The following KCNN2 variants were observed in gnomAD, a reference collection of about 807,000 sequenced individuals.
KCNN2 encodes the protein small conductance calcium-activated potassium channel protein 2.
KCNN2 carries 24 observed loss-of-function variants against 55.5 expected under a neutral mutation model. That is an observed-to-expected ratio of 0.43 (90% CI 0.31 to 0.61). KCNN2 has a LOEUF of 0.61. KCNN2 is among the 20% of genes least tolerant of loss of function. KCNN2 has a pLI of 0.08. For synonymous variants in KCNN2, 431 were observed against 336.1 expected, an observed-to-expected ratio of 1.28 and a Z score of -3.09; for missense variants, 754 against 853.6, an observed-to-expected ratio of 0.88 and a Z score of 1.45.
At chr5:114,366,212 G>A (rs1757595492) in intron 2 of KCNN2, among the ~76,000 whole-genome samples, 1 of 152,144 alleles carries the variant, frequency 6.6e-6, no homozygotes, top group Non-Finnish European at 1.5e-5. Flanking sequence ...GGTATGTATT[G>A]CATGGGTGAG....
chr5:114,303,042 GA>G (rs1243377005), intron 2 of KCNN2, among the ~76,000 whole-genome samples: 16 of 152,212 alleles, frequency 1.1e-4, no homozygotes, highest in African/African-American at 3.6e-4. Context: ...TCGATGTACT[GA>G]AAACATTTTG....
At chr5:114,464,748 G>T (rs1446836560) in intron 4 of KCNN2, among the ~76,000 whole-genome samples, 1 of 151,700 alleles carries the variant, frequency 6.6e-6, no homozygotes, top group African/African-American at 2.4e-5. Flanking sequence ...ATAGTTTGGG[G>T]GCATAATTTA....
intron 2 of KCNN2, among the ~76,000 whole-genome samples, chr5:114,246,795 TAA>T (rs918512920): frequency 2.0e-5 from 3 of 152,136 alleles, no homozygotes; most frequent in Admixed American, 1.3e-4. Context: ...GAATATTAGT[TAA>T]TATATATTAG....
chr5:114,251,880 CT>C (rs200692821), intron 2 of KCNN2, among the ~76,000 whole-genome samples: 1,755 of 133,230 alleles, frequency 0.013, 31 homozygotes, highest in East Asian at 0.12. Flanking sequence ...TTTTCTTTTT[CT>C]TTTTTTTTTT....
intron 3 of KCNN2, among the ~76,000 whole-genome samples, chr5:114,437,198 A>G (rs1445202946): frequency 6.6e-6 from 1 of 152,196 alleles, no homozygotes; most frequent in Non-Finnish European, 1.5e-5. Context: ...AATCTGTCCA[A>G]GAAATCATTT....
At chr5:114,341,925 G>A (rs1325620139) in intron 2 of KCNN2, among the ~76,000 whole-genome samples, 18 of 146,750 alleles carry the variant, frequency 1.2e-4, no homozygotes, top group Admixed American at 8.2e-4. Flanking sequence ...TTTTTGAGAC[G>A]GAATCTCGCT....
intron 2 of KCNN2, among the ~76,000 whole-genome samples, chr5:114,292,217 T>C (rs937903626): frequency 6.6e-5 from 10 of 152,276 alleles, no homozygotes; most frequent in African/African-American, 2.2e-4. Flanking sequence ...TTGTCAATTT[T>C]GGCTTTCGTT....
intron 3 of KCNN2, among the ~76,000 whole-genome samples, chr5:114,442,516 A>G (rs1760255518): frequency 6.6e-6 from 1 of 152,116 alleles, no homozygotes; most frequent in South Asian, 2.1e-4. Flanking sequence ...TTCCTCAGTG[A>G]TATGACAAGC....
intron 2 of KCNN2, among the ~76,000 whole-genome samples, chr5:114,254,239 C>T (rs1366244700): frequency 6.6e-6 from 1 of 152,066 alleles, no homozygotes; most frequent in East Asian, 1.9e-4. Context: ...TAAAAATACA[C>T]TCAGCATTTC....
chr5:114,472,139 C>T (rs537573944), intron 4 of KCNN2, among the ~76,000 whole-genome samples: 1 of 152,292 alleles, frequency 6.6e-6, no homozygotes, highest in African/African-American at 2.4e-5. Flanking sequence ...ATGCCCCCTT[C>T]CCTGCTGGGA....
At chr5:114,067,486 A>C (rs1750476308) in intron 1 of KCNN2, among the ~76,000 whole-genome samples, 3 of 152,342 alleles carry the variant, frequency 2.0e-5, no homozygotes. Flanking sequence ...ATGGGATATA[A>C]GTGATTCAAT....
intron 2 of KCNN2, among the ~76,000 whole-genome samples, chr5:114,259,727 C>T (rs1755063978): frequency 6.6e-6 from 1 of 152,114 alleles, no homozygotes; most frequent in South Asian, 2.1e-4. Context: ...GAAACACTCC[C>T]ACTCACCCTT....
intron 4 of KCNN2, among the ~76,000 whole-genome samples, chr5:114,468,888 T>C (rs1761574633): frequency 6.6e-6 from 1 of 152,184 alleles, no homozygotes; most frequent in African/African-American, 2.4e-5. Flanking sequence ...TGGAAGTATT[T>C]GCAGGATCAG....
At chr5:114,218,099 G>T (rs1048694691) in intron 1 of KCNN2, among the ~76,000 whole-genome samples, 28 of 152,184 alleles carry the variant, frequency 1.8e-4, no homozygotes, top group Admixed American at 1.6e-3. Flanking sequence ...AATACCAAAT[G>T]CTGACAAGGA....
chr5:114,362,621 A>C lies in KCNN2; in HGVS notation c.482A>C (p.His161Pro). 2 of 1,054,594 alleles carry C rather than the reference A, an allele frequency of 1.9e-6. No homozygotes were observed. Among genetic ancestry groups the C allele is most frequent in the Non-Finnish European group, 2.6e-6 (2 of 758,532 alleles). The allele number at this position is 1,054,594 out of a possible 1,614,324, so 65.3% of individuals were successfully genotyped here. The change falls in exon 1 of 8, where the codon CAC becomes CCC. Residue 161 changes from histidine to proline, a missense_variant. By Grantham distance (77) the His-to-Pro change is moderately conservative (BLOSUM62 -2). Transcript: ENST00000673685. ...SASASQYHQCHSLQPAASPTG... is the reference protein window; with the variant it reads ...SASASQYHQCPSLQPAASPTG... Reference sequence around the variant, plus strand: ...TCCGCCTCCCAGTACCACCAGTGCCACAGCCTGCAGCCCGCCGCCAGCCCC... The same window carrying C: ...TCCGCCTCCCAGTACCACCAGTGCCCCAGCCTGCAGCCCGCCGCCAGCCCC...
intron 2 of KCNN2, among the ~76,000 whole-genome samples, chr5:114,248,848 G>C (rs896344716): frequency 6.6e-6 from 1 of 152,190 alleles, no homozygotes; most frequent in African/African-American, 2.4e-5. Context: ...ATAGAGAGCT[G>C]TGAAGAAGAG....
intron 1 of KCNN2, among the ~76,000 whole-genome samples, chr5:114,220,003 AT>A (rs1187784766): frequency 6.6e-6 from 1 of 152,206 alleles, no homozygotes; most frequent in Non-Finnish European, 1.5e-5. Context: ...TTAAGCAATC[AT>A]TAAAAAATTT....
exon 1 of KCNN2, chr5:114,056,311 A>G: frequency 5.0e-6 from 2 of 398,544 alleles, no homozygotes; most frequent in Non-Finnish European, 8.8e-6. Flanking sequence ...GACGCCCGAG[A>G]GGCAGATGGT....
chr5:114,347,488 T>C (rs968838796), intron 2 of KCNN2, among the ~76,000 whole-genome samples: 1 of 152,232 alleles, frequency 6.6e-6, no homozygotes, highest in African/African-American at 2.4e-5. Context: ...ATAATCAAAA[T>C]ACTGAAATGT....
Sources: allele counts gnomAD v4.1 joint callset (sites outside exome capture counted in the v4.1 genomes callset), GRCh38; gene constraint gnomAD v4.1.1; transcripts MANE v1.5; gene names NCBI Gene and HGNC (gene_info 2026-07-23, HGNC 2026-07-21).